Variants in AK4 observed in about 807,000 individuals in gnomAD.
AK4 encodes adenylate kinase 4, mitochondrial.
AK4 carries 13 observed loss-of-function variants against 24.6 expected under a neutral mutation model. The ratio of observed to expected loss-of-function variants is 0.53; its 90% confidence interval spans 0.34 to 0.84. The LOEUF (loss-of-function observed/expected upper bound fraction) is 0.84. Among genes scored for constraint, AK4 ranks in the 40% least tolerant of loss-of-function variants. The pLI is 0.01. For synonymous variants in AK4, 88 were observed against 107.0 expected (o/e 0.82, Z 1.10); for missense variants, 192 against 288.2 (o/e 0.67, Z 2.42).
At chr1:65,217,877 C>T (rs1652178604) in intron 2 of AK4, among the ~76,000 whole-genome samples, 3 of 152,058 alleles carry the variant, frequency 2.0e-5, no homozygotes, top group African/African-American at 7.3e-5. Context: ...AAATTTTTTC[C>T]AGCTTTATCG....
At chr1:65,178,024 G>A (rs1158066213) in intron 1 of AK4, among the ~76,000 whole-genome samples, 1 of 152,062 alleles carries the variant, frequency 6.6e-6, no homozygotes, top group East Asian at 1.9e-4. Flanking sequence ...TCATGACCGT[G>A]GCTGTCAGGG....
chr1:65,156,315 CAT>C (rs1284970557), intron 1 of AK4, among the ~76,000 whole-genome samples: 1 of 151,984 alleles, frequency 6.6e-6, no homozygotes, highest in Non-Finnish European at 1.5e-5. Flanking sequence ...AAGATTTTGT[CAT>C]ATATCTATAG....
chr1:65,201,164 A>G (rs897825304), intron 2 of AK4, among the ~76,000 whole-genome samples: 1 of 152,196 alleles, frequency 6.6e-6, no homozygotes. Context: ...CAAAACCCTG[A>G]TAACTCACTT....
At chr1:65,161,954 G>A (rs1650181293) in intron 1 of AK4, among the ~76,000 whole-genome samples, 1 of 152,126 alleles carries the variant, frequency 6.6e-6, no homozygotes, top group Non-Finnish European at 1.5e-5. Flanking sequence ...GGCGTGTGAA[G>A]ATTTGGTAGC....
intron 1 of AK4, among the ~76,000 whole-genome samples, chr1:65,183,650 CGTGTGTGTGTGTGTGTGTGTGTGTGT>C (rs56067788): frequency 7.1e-6 from 1 of 140,732 alleles, no homozygotes; most frequent in African/African-American, 2.6e-5. Context: ...TATAAATATC[CGTGTGTGTGTGTGTGTGTGTGTGTGT>C]GTGTGTGTGT....
At chr1:65,165,447 C>T (rs944600816) in intron 1 of AK4, among the ~76,000 whole-genome samples, 3 of 151,742 alleles carry the variant, frequency 2.0e-5, no homozygotes, top group African/African-American at 7.3e-5. Context: ...ACTTGGGAGG[C>T]TGAGGCAGGA....
At chr1:65,204,723 G>T (rs992104440) in intron 2 of AK4, among the ~76,000 whole-genome samples, 1 of 152,140 alleles carries the variant, frequency 6.6e-6, no homozygotes, top group Non-Finnish European at 1.5e-5. Context: ...AACCCTGAGG[G>T]AACTTATACT....
At chr1:65,148,634 C>G in intron 1 of AK4, 82 bp downstream of exon 1, 1 of 1,431,786 alleles carries the variant, frequency 7.0e-7, no homozygotes, top group East Asian at 2.7e-5. Context: ...GCTCCCGGAT[C>G]ACGGCGCCCT....
intron 1 of AK4, among the ~76,000 whole-genome samples, chr1:65,190,145 T>C (rs1010227511): frequency 6.6e-6 from 1 of 152,226 alleles, no homozygotes; most frequent in Non-Finnish European, 1.5e-5. Flanking sequence ...AGGGCTTCTC[T>C]TTATCAGCTT....
At chr1:65,208,626 C>T (rs889559288) in intron 2 of AK4, among the ~76,000 whole-genome samples, 1 of 152,154 alleles carries the variant, frequency 6.6e-6, no homozygotes, top group Non-Finnish European at 1.5e-5. Flanking sequence ...GGGCTGATGT[C>T]GCATAGCCTT....
intron 2 of AK4, among the ~76,000 whole-genome samples, chr1:65,205,735 G>A (rs923824592): frequency 1.3e-5 from 2 of 151,912 alleles, no homozygotes; most frequent in Non-Finnish European, 2.9e-5. Context: ...TTTGTCATTT[G>A]TTCAGATTTC....
chr1:65,218,353 G>A (rs1652194061), intron 2 of AK4, among the ~76,000 whole-genome samples: 1 of 152,164 alleles, frequency 6.6e-6, no homozygotes, highest in Admixed American at 6.5e-5. Flanking sequence ...AGCAGAGAAA[G>A]GACTAGAGCC....
intron 1 of AK4, among the ~76,000 whole-genome samples, chr1:65,171,367 G>A (rs12750052): frequency 2.1e-5 from 3 of 142,034 alleles, no homozygotes; most frequent in Non-Finnish European, 4.5e-5. Context: ...AGTGAGTGCA[G>A]TGGCACAATC....
At chr1:65,209,437 A>T (rs1651908371) in intron 2 of AK4, among the ~76,000 whole-genome samples, 3 of 152,196 alleles carry the variant, frequency 2.0e-5, no homozygotes, top group African/African-American at 4.8e-5. Context: ...TTCTCTCTAA[A>T]TGGAAAAATT....
intron 1 of AK4, among the ~76,000 whole-genome samples, chr1:65,155,270 C>T (rs1041792540): frequency 4.6e-5 from 7 of 151,710 alleles, no homozygotes; most frequent in Admixed American, 2.0e-4. Context: ...GCCAGGAGTT[C>T]GAGACCAGCC....
intron 1 of AK4, among the ~76,000 whole-genome samples, chr1:65,176,687 G>A (rs1650726924): frequency 6.6e-6 from 1 of 152,114 alleles, no homozygotes; most frequent in Non-Finnish European, 1.5e-5. Context: ...AGATAGCAGA[G>A]GTCGAACGGT....
At chr1:65,174,318 T>G (rs369683952) in intron 1 of AK4, among the ~76,000 whole-genome samples, 3 of 152,186 alleles carry the variant, frequency 2.0e-5, no homozygotes, top group South Asian at 2.1e-4. Flanking sequence ...ATGAAGTTTA[T>G]TTTCCCCCAA....
intron 1 of AK4, among the ~76,000 whole-genome samples, chr1:65,155,969 C>T (rs1455555608): frequency 6.6e-6 from 1 of 152,068 alleles, no homozygotes; most frequent in Non-Finnish European, 1.5e-5. Context: ...CTTCCACACA[C>T]ACACACATAG....
rs542823183 is a variant in AK4, at chr1:65,182,691, C to T, written c.146-8019C>T. 2.6e-5 allele frequency among the ~76,000 whole-genome samples: 4 copies of T among 152,168 alleles called. No individual in the cohort carries two copies. In the South Asian group the frequency reaches 6.2e-4, roughly 24 times the overall value. On this transcript the variant is annotated intron_variant, in intron 1 of 4. Transcript: ENST00000327299. ...CTTTTATTAAAACAAATCTTTTTGT[C>T]TCCAGCGTCAAGAAACTAAGGTAAC... is the stretch of plus-strand genomic sequence containing the variant.
Sources: gnomAD v4.1 joint callset for allele counts (sites outside exome capture counted in the v4.1 genomes callset) on GRCh38, gnomAD v4.1.1 for gene constraint, MANE v1.5 for transcripts, NCBI Gene and HGNC (gene_info 2026-07-23, HGNC 2026-07-21) for gene names.